KDM4C: variants seen among roughly 807,000 people sequenced by gnomAD.
KDM4C encodes lysine-specific demethylase 4C.
In KDM4C, 81 loss-of-function variants were observed where a neutral mutation model predicts 129.3. The ratio of observed to expected loss-of-function variants is 0.63; its 90% CI spans 0.52 to 0.75. KDM4C has a LOEUF of 0.75. Ranked by LOEUF, KDM4C falls within the 30% of genes least tolerant of loss-of-function variation. The probability of loss-of-function intolerance (pLI) is 0.00; values close to 1 mark genes in which losing one functional copy is unlikely to be tolerated. For synonymous variants in KDM4C, 573 were observed against 456.1 expected (o/e 1.26, Z -3.26); for missense variants, 1,457 against 1,304.0 (o/e 1.12, Z -1.81).
At chr9:6,779,820 C>A (rs748546909) in intron 1 of KDM4C, among the ~76,000 whole-genome samples, 3 of 152,118 alleles carry the variant, frequency 2.0e-5, no homozygotes, top group Non-Finnish European at 4.4e-5. Flanking sequence ...TTACAAATAC[C>A]AGATGTGCAT....
chr9:7,115,381 TTAAG>T (rs1214553320), intron 18 of KDM4C, among the ~76,000 whole-genome samples: 1 of 152,006 alleles, frequency 6.6e-6, no homozygotes, highest in East Asian at 1.9e-4. Flanking sequence ...GTTAAGAAAA[TTAAG>T]TAGTGACACT....
chr9:6,730,269 T>C (rs901902544), intron 1 of KDM4C, among the ~76,000 whole-genome samples: 7 of 152,152 alleles, frequency 4.6e-5, no homozygotes, highest in Non-Finnish European at 8.8e-5. Flanking sequence ...ACTTGATACT[T>C]TATAGTATGG....
chr9:6,840,900 G>C (rs1352861999), intron 4 of KDM4C, among the ~76,000 whole-genome samples: 1 of 152,200 alleles, frequency 6.6e-6, no homozygotes, highest in Non-Finnish European at 1.5e-5. Flanking sequence ...CAGTTAGCAA[G>C]CTTTGAGAGA....
intron 17 of KDM4C, among the ~76,000 whole-genome samples, chr9:7,067,131 G>A (rs953357336): frequency 6.6e-6 from 1 of 152,136 alleles, no homozygotes; most frequent in African/African-American, 2.4e-5. Flanking sequence ...GCATTTTCAG[G>A]CTTCTCAATT....
intron 4 of KDM4C, among the ~76,000 whole-genome samples, chr9:6,845,216 G>C (rs1002519520): frequency 2.6e-5 from 4 of 152,138 alleles, no homozygotes; most frequent in African/African-American, 7.2e-5. Context: ...GGAATGCATT[G>C]ATTGATTGAC....
chr9:7,011,576 A>T (rs1362012170), intron 12 of KDM4C, 122 bp from the exon 13 acceptor site: 11 of 822,906 alleles, frequency 1.3e-5, no homozygotes, highest in Non-Finnish European at 2.2e-5. Flanking sequence ...TGAAAGACAA[A>T]GTAGGTTTGG....
At chr9:6,892,186 T>G (rs565444587) in intron 7 of KDM4C, among the ~76,000 whole-genome samples, 1 of 152,182 alleles carries the variant, frequency 6.6e-6, no homozygotes, top group African/African-American at 2.4e-5. Context: ...TTTAAAGATA[T>G]AAGGGGTCTA....
intron 8 of KDM4C, among the ~76,000 whole-genome samples, chr9:6,904,162 T>A (rs1217830430): frequency 2.6e-5 from 4 of 151,842 alleles, no homozygotes; most frequent in African/African-American, 9.7e-5. Flanking sequence ...TTGCTTGAAT[T>A]TGGGAGGCAG....
intron 8 of KDM4C, among the ~76,000 whole-genome samples, chr9:6,963,111 G>A (rs1244551759): frequency 6.6e-6 from 1 of 152,172 alleles, no homozygotes; most frequent in Non-Finnish European, 1.5e-5. Context: ...GTTATGTGGG[G>A]ATAATAATTA....
chr9:7,065,129 G>T (rs890602032), intron 17 of KDM4C, among the ~76,000 whole-genome samples: 2 of 152,254 alleles, frequency 1.3e-5, no homozygotes, highest in South Asian at 2.1e-4. Flanking sequence ...TTTGCATTAA[G>T]AACTACACAG....
intron 8 of KDM4C, among the ~76,000 whole-genome samples, chr9:6,936,699 A>C (rs1454727493): frequency 6.6e-6 from 1 of 152,174 alleles, no homozygotes; most frequent in South Asian, 2.1e-4. Context: ...TGAAAACAAT[A>C]TTTTGGGAGG....
chr9:6,799,240 G>A (rs924041767), intron 2 of KDM4C, among the ~76,000 whole-genome samples: 1 of 152,138 alleles, frequency 6.6e-6, no homozygotes, highest in Middle Eastern at 3.4e-3. Context: ...TTGTAGCGAC[G>A]CGAGATCACG....
At chr9:6,753,968 G>A (rs993027114), upstream of KDM4C, among the ~76,000 whole-genome samples, 1 of 141,684 alleles carries the variant, frequency 7.1e-6, no homozygotes, top group Admixed American at 7.7e-5. Context: ...TCCGCCTCCC[G>A]GGTTCATGCC....
chr9:6,796,683 A>G (rs766469359), intron 2 of KDM4C, among the ~76,000 whole-genome samples: 1 of 152,226 alleles, frequency 6.6e-6, no homozygotes, highest in Non-Finnish European at 1.5e-5. Context: ...CCTCATTTTT[A>G]AAATTGAGAC....
intron 17 of KDM4C, among the ~76,000 whole-genome samples, chr9:7,085,637 T>A (rs1309558293): frequency 6.6e-6 from 1 of 152,182 alleles, no homozygotes; most frequent in Non-Finnish European, 1.5e-5. Flanking sequence ...TGCCACTCCT[T>A]CCCTGCTCAT....
chr9:7,168,036 A>T (rs1288251669), intron 20 of KDM4C, among the ~76,000 whole-genome samples: 1 of 152,148 alleles, frequency 6.6e-6, no homozygotes, highest in East Asian at 1.9e-4. Context: ...ATGTATAAAA[A>T]TTAGCCAGGC....
intron 17 of KDM4C, among the ~76,000 whole-genome samples, chr9:7,079,399 C>G (rs948672690): frequency 6.6e-6 from 1 of 152,198 alleles, no homozygotes; most frequent in East Asian, 1.9e-4. Context: ...TCTTGGCTCA[C>G]TACAACCCCT....
At chr9:6,931,441 TG>T (rs1230433705) in intron 8 of KDM4C, among the ~76,000 whole-genome samples, 3 of 152,090 alleles carry the variant, frequency 2.0e-5, no homozygotes, top group Non-Finnish European at 4.4e-5. Flanking sequence ...CACGCATGCA[TG>T]AAAATTAGTC....
intron 17 of KDM4C, among the ~76,000 whole-genome samples, chr9:7,098,891 A>C (rs1382952197): frequency 6.8e-6 from 1 of 146,876 alleles, no homozygotes; most frequent in Non-Finnish European, 1.5e-5. Context: ...TAAATCTTAC[A>C]GGTAGGGTTA....
Sources: gnomAD v4.1 joint callset for allele counts (sites outside exome capture counted in the v4.1 genomes callset) on GRCh38, gnomAD v4.1.1 for gene constraint, MANE v1.5 for transcripts, NCBI Gene and HGNC (gene_info 2026-07-23, HGNC 2026-07-21) for gene names.